The following HYDIN variants were observed in gnomAD, a reference collection of about 807,000 sequenced individuals.
HYDIN encodes the protein axonemal central pair apparatus protein HYDIN.
HYDIN carries 132 observed loss-of-function variants against 403.9 expected under a neutral mutation model. The ratio of observed to expected loss-of-function variants is 0.33; its 90% CI spans 0.28 to 0.38. HYDIN has a LOEUF of 0.38. HYDIN is among the 10% of genes least tolerant of loss of function. HYDIN has a pLI of 1.00. For missense variants in HYDIN, 2,827 were observed against 5,009.5 expected (o/e 0.56, Z 13.15); for synonymous variants, 1,202 against 1,891.7 (o/e 0.64, Z 9.46).
chr16:71,144,909 A>C (rs1327609003), intron 7 of HYDIN, among the ~76,000 whole-genome samples: 2 of 151,978 alleles, frequency 1.3e-5, no homozygotes, highest in Non-Finnish European at 2.9e-5. Context: ...GCCCATGTTA[A>C]ATTTCCTTCC....
At chr16:71,163,636 G>A (rs928225393) in intron 5 of HYDIN, among the ~76,000 whole-genome samples, 4 of 152,128 alleles carry the variant, frequency 2.6e-5, no homozygotes, top group Non-Finnish European at 5.9e-5. Flanking sequence ...AACAAGCCTG[G>A]TCCAGCCTAC....
chr16:71,152,268 G>A (rs1203715918), intron 7 of HYDIN, among the ~76,000 whole-genome samples: 6 of 151,270 alleles, frequency 4.0e-5, no homozygotes, highest in South Asian at 4.2e-4. Context: ...TAGCTTACTC[G>A]AATGCAGCCA....
chr16:70,955,753 C>T lies in HYDIN; in HGVS notation c.6143-205G>A, dbSNP rs145969477. Among the ~76,000 whole-genome samples the T allele has an allele frequency of 3.9e-4, 60 of 152,312 alleles. 1 individual carries two copies. The East Asian group carries it at 0.011, about 27-fold the overall frequency. On this transcript the variant is annotated intron_variant, in intron 39 of 85. Coordinates refer to ENST00000393567, the MANE Select transcript of HYDIN (RefSeq NM_001270974.2). Reference sequence around the variant, plus strand: ...TGTGGGTCTGATTCTAACCCTGCCACTGATGCGTGCATGCTGTGGCAATCT... The same window carrying T: ...TGTGGGTCTGATTCTAACCCTGCCATTGATGCGTGCATGCTGTGGCAATCT...
In HYDIN at chr16:70,973,346, T is replaced by C; in HGVS notation, c.5376A>G (p.Glu1792=). ...SNVQVKFMPK[E]EKFYSQTLVF... ...GCCATATTTCTTTAAAGCTCACCTCTTCTTTTGGCATGAATTTCACTTGCA... is the reference window on the plus strand; with the variant it reads ...GCCATATTTCTTTAAAGCTCACCTCCTCTTTTGGCATGAATTTCACTTGCA... The change falls in exon 35 of 86, where the codon GAA becomes GAG. Residue 1792 remains glutamate, a synonymous_variant. Transcript: ENST00000393567. The C allele has an allele frequency of 2.3e-6, 1 of 444,418 alleles. No individual in the cohort carries two copies. The highest frequency in any genetic ancestry group is 3.9e-6 in the Non-Finnish European group (1 of 253,362). 27.5% of individuals were successfully genotyped at this position (444,418 alleles called of 1,614,324 possible). A position where few individuals can be genotyped will look rare whatever the true frequency, so the allele number is the denominator to read the frequency against.
intron 83 of HYDIN, among the ~76,000 whole-genome samples, chr16:70,819,104 G>A (rs1488596636): frequency 1.3e-5 from 2 of 150,956 alleles, no homozygotes; most frequent in African/African-American, 4.9e-5. Context: ...TAGTAGAGAC[G>A]GGGTTTCATC....
At chr16:71,098,236 C>T (rs1194109315) in intron 10 of HYDIN, among the ~76,000 whole-genome samples, 2 of 145,788 alleles carry the variant, frequency 1.4e-5, no homozygotes, top group African/African-American at 2.5e-5. Context: ...GAGTCTCGCT[C>T]TGTCACCCAG....
intron 45 of HYDIN, among the ~76,000 whole-genome samples, chr16:70,929,934 G>T (rs1482889612): frequency 6.6e-6 from 1 of 152,170 alleles, no homozygotes; most frequent in Non-Finnish European, 1.5e-5. Flanking sequence ...GGGGGTTTAT[G>T]GTTCTCATGC....
intron 18 of HYDIN, among the ~76,000 whole-genome samples, chr16:71,048,764 G>C (rs2081534883): frequency 6.6e-6 from 1 of 152,094 alleles, no homozygotes; most frequent in African/African-American, 2.4e-5. Context: ...CTATCTATTG[G>C]GTATTATTTT....
Position 70,920,756 on chromosome 16 carries a change from T to C in HYDIN, c.7620A>G (p.Arg2540=), listed in dbSNP as rs370568214. The C allele has an allele frequency of 2.3e-4, 367 of 1,565,860 alleles. No individual in the cohort carries two copies. The highest frequency in any genetic ancestry group is 3.1e-4 in the Non-Finnish European group (353 of 1,154,518). ...KAERERLEKL[R]ALEERSDWEG... ...CCCAGTCGCTCCGCTCCTCCAGGGC[T>C]CGCAGCTTCTCCAGGCGCTCCCGCT... Residue 2540 remains arginine, a synonymous_variant, in exon 46 of 86, where the codon CGA becomes CGG. Coordinates refer to ENST00000393567, the MANE Select transcript of HYDIN (RefSeq NM_001270974.2).
intron 38 of HYDIN, among the ~76,000 whole-genome samples, chr16:70,960,991 T>C (rs916208006): frequency 6.6e-6 from 1 of 152,246 alleles, no homozygotes; most frequent in African/African-American, 2.4e-5. Flanking sequence ...TTGCCCGGCC[T>C]AGCTCATTCT....
intron 74 of HYDIN, 66 bp downstream of exon 74, chr16:70,850,382 T>C: frequency 2.4e-6 from 2 of 844,884 alleles, no homozygotes; most frequent in South Asian, 1.8e-5. Context: ...CTCATATTCA[T>C]TTTTACTACT....
At chr16:70,879,795 T>C (rs1195476170) in intron 60 of HYDIN, 39 bp from the exon 61 acceptor site, 2 of 753,646 alleles carry the variant, frequency 2.7e-6, no homozygotes, top group Non-Finnish European at 4.2e-6. Flanking sequence ...GTCAGTGCCT[T>C]TGTATTCTCA....
chr16:71,069,554 T>C, intron 13 of HYDIN, 52 bp from the exon 14 acceptor site: 1 of 1,343,802 alleles, frequency 7.4e-7, no homozygotes, highest in South Asian at 1.3e-5. Context: ...ACACCTCCCT[T>C]GACCCTCAAT....
chr16:70,966,712 A>C (rs1244099766), intron 36 of HYDIN, among the ~76,000 whole-genome samples: 1 of 151,780 alleles, frequency 6.6e-6, no homozygotes, highest in East Asian at 1.9e-4. Context: ...TCTGATCTTC[A>C]AAAGTCACAG....
intron 18 of HYDIN, among the ~76,000 whole-genome samples, chr16:71,051,240 A>G (rs990561507): frequency 2.6e-5 from 4 of 152,252 alleles, no homozygotes; most frequent in African/African-American, 7.2e-5. Context: ...GGATAGACAC[A>G]GGAAATGCAT....
Position 71,186,935 on chromosome 16 carries a change from A to C in HYDIN, c.-23-17T>G. On this transcript the variant is annotated splice_polypyrimidine_tract_variant and intron_variant, in intron 1 of 85. Transcript: ENST00000393567. ...TTTTCTCACCTAAGAGTGAAACAAA[A>C]ATGTCTTAGAACAAATACAGTTAAT... 2 of 1,555,734 alleles carry C rather than the reference A, an allele frequency of 1.3e-6. No homozygotes were observed. Among genetic ancestry groups the C allele is most frequent in the African/African-American group, 2.7e-5 (2 of 73,160 alleles).
intron 10 of HYDIN, among the ~76,000 whole-genome samples, chr16:71,098,802 T>G (rs2144401007): frequency 6.7e-6 from 1 of 148,670 alleles, no homozygotes; most frequent in South Asian, 2.1e-4. Flanking sequence ...TCTTTGGTAG[T>G]TATTAATTAC....
At chr16:70,837,090 A>G (rs1317499784) in intron 77 of HYDIN, among the ~76,000 whole-genome samples, 3 of 152,220 alleles carry the variant, frequency 2.0e-5, no homozygotes, top group African/African-American at 7.2e-5. Context: ...ATCCCACCAG[A>G]CAAGCACCTT....
rs1039522399 is a variant in HYDIN, at chr16:70,804,538, G to C, written c.*3042C>G. On this transcript the variant is annotated 3_prime_UTR_variant, in exon 86 of 86. Transcript: ENST00000393567. ...GGATGTGGAAACCGCATTCTTTGGTGAATCAGCTTCTCGTGAGGTCCTTCA... is the reference window on the plus strand; with the variant it reads ...GGATGTGGAAACCGCATTCTTTGGTCAATCAGCTTCTCGTGAGGTCCTTCA... Among the ~76,000 whole-genome samples, 1 of 152,220 alleles carries C rather than the reference G, an allele frequency of 6.6e-6. No individual in the cohort carries two copies. Among genetic ancestry groups the C allele is most frequent in the Non-Finnish European group, 1.5e-5 (1 of 68,046 alleles).
Sources: gnomAD v4.1 joint callset for allele counts (sites outside exome capture counted in the v4.1 genomes callset) on GRCh38, gnomAD v4.1.1 for gene constraint, MANE v1.5 for transcripts, NCBI Gene and HGNC (gene_info 2026-07-23, HGNC 2026-07-21) for gene names.